RTN4RL1: variants seen among roughly 807,000 people sequenced by gnomAD.
RTN4RL1 encodes reticulon-4 receptor-like 1.
A neutral mutation model predicts 25.6 loss-of-function variants in RTN4RL1; 7 were observed. That is an observed-to-expected ratio of 0.27 (90% CI 0.16 to 0.51). The LOEUF (loss-of-function observed/expected upper bound fraction) is 0.51, where lower values mean the gene tolerates loss of function less well. RTN4RL1 is among the 20% of genes least tolerant of loss of function. The probability of loss-of-function intolerance (pLI) is 0.97; values close to 1 mark genes in which losing one functional copy is unlikely to be tolerated. For synonymous variants in RTN4RL1, 297 were observed against 288.2 expected (o/e 1.03, Z -0.31); for missense variants, 500 against 615.6 (o/e 0.81, Z 1.99).
At chr17:1,972,795 C>T (rs748262220) in intron 1 of RTN4RL1, among the ~76,000 whole-genome samples, 16 of 152,230 alleles carry the variant, frequency 1.1e-4, no homozygotes, top group Non-Finnish European at 2.1e-4. Flanking sequence ...GACTCCTCCA[C>T]AGGCCCATTT....
chr17:1,995,580 CG>C (rs983832935), intron 1 of RTN4RL1: 4 of 152,250 alleles, frequency 2.6e-5, no homozygotes, highest in Non-Finnish European at 5.9e-5. Context: ...TCACTGTCGC[CG>C]GAAGTCCCAC....
chr17:1,962,631 G>T (rs549080858), intron 1 of RTN4RL1, among the ~76,000 whole-genome samples: 2 of 152,102 alleles, frequency 1.3e-5, no homozygotes, highest in East Asian at 3.9e-4. Flanking sequence ...TTGGGAGGCC[G>T]AGGCAGGTGG....
At chr17:1,945,371 C>T (rs561433255) in intron 1 of RTN4RL1, among the ~76,000 whole-genome samples, 3 of 152,120 alleles carry the variant, frequency 2.0e-5, no homozygotes, top group Non-Finnish European at 2.9e-5. Context: ...TACAGGTGCC[C>T]GCCACCATGC....
rs58369247 is a variant in RTN4RL1, at chr17:1,945,978, A to C, written c.14-8170T>G. ...AGGGGCGCTTACCCAAAGCGAGGAG[A>C]CTCAGAGCCTCCAGGGTGAGAGCAG... is the stretch of plus-strand genomic sequence containing the variant. On this transcript the variant is annotated intron_variant, in intron 1 of 1. Transcript: ENST00000331238. Among the ~76,000 whole-genome samples the C allele has an allele frequency of 4.5e-3, 682 of 152,268 alleles. 2 individuals carry two copies. The highest frequency in any genetic ancestry group is 0.016 in the African/African-American group (659 of 41,554).
At chr17:1,969,512 C>G (rs568662937) in intron 1 of RTN4RL1, among the ~76,000 whole-genome samples, 4 of 152,272 alleles carry the variant, frequency 2.6e-5, no homozygotes, top group Admixed American at 2.0e-4. Context: ...CTCCCCTAGC[C>G]GATCACAGTG....
chr17:1,961,534 G>C (rs905065529), intron 1 of RTN4RL1, among the ~76,000 whole-genome samples: 3 of 151,944 alleles, frequency 2.0e-5, no homozygotes, highest in Admixed American at 2.0e-4. Flanking sequence ...ACACGTAAGG[G>C]ACTGAGAGGA....
At chr17:2,013,619 A>T (rs112376880) in intron 1 of RTN4RL1, among the ~76,000 whole-genome samples, 3 of 131,876 alleles carry the variant, frequency 2.3e-5, no homozygotes, top group South Asian at 5.4e-4. Context: ...TAAATACCCC[A>T]GCTCCCTCAC....
rs1272270891 is a variant in RTN4RL1 at position 1,937,975 on chromosome 17, C to T, written c.14-167G>A. 4.6e-5 allele frequency among the ~76,000 whole-genome samples: 7 copies of T among 152,246 alleles called. No homozygotes were observed. In the East Asian group the frequency reaches 5.8e-4, roughly 13 times the overall value. ...GTCAAGGCCCAAGCCTGGAACCCGT[C>T]GGGGATGAGAGGCCTCCCCTCCTTG... On this transcript the variant is annotated intron_variant, in intron 1 of 1. Transcript: ENST00000331238.
intron 1 of RTN4RL1, among the ~76,000 whole-genome samples, chr17:2,012,801 T>A (rs2151326926): frequency 6.6e-6 from 1 of 152,018 alleles, no homozygotes; most frequent in African/African-American, 2.4e-5. Flanking sequence ...CTTCTTCTTT[T>A]TTTTTTTTCT....
chr17:1,965,536 C>T (rs1224898031), intron 1 of RTN4RL1, among the ~76,000 whole-genome samples: 2 of 152,138 alleles, frequency 1.3e-5, no homozygotes, highest in African/African-American at 4.8e-5. Context: ...ACTTACTGTC[C>T]TTTGGGGTGG....
chr17:2,000,555 C>T (rs116530435), intron 1 of RTN4RL1, among the ~76,000 whole-genome samples: 1,718 of 152,004 alleles, frequency 0.011, 29 homozygotes, highest in African/African-American at 0.039. Flanking sequence ...GACTGATTTT[C>T]GCTTTTCTTG....
chr17:1,976,198 G>C (rs2066842081), intron 1 of RTN4RL1, among the ~76,000 whole-genome samples: 1 of 152,204 alleles, frequency 6.6e-6, no homozygotes, highest in Non-Finnish European at 1.5e-5. Context: ...CCAAACAATA[G>C]CCCAGGGCTA....
intron 1 of RTN4RL1, among the ~76,000 whole-genome samples, chr17:1,947,027 T>C (rs1379776520): frequency 7.1e-5 from 4 of 56,022 alleles, no homozygotes; most frequent in Non-Finnish European, 1.7e-4. Context: ...TGTCTGTGTG[T>C]GCACATGTGT....
In RTN4RL1 at chr17:1,935,542, G is replaced by A. The variant is rs1047889427; in HGVS notation, c.*954C>T. 1.0e-6 allele frequency: 1 copy of A among 985,456 alleles called. No individual in the cohort carries two copies. The highest frequency in any genetic ancestry group is 1.2e-6 in the Non-Finnish European group (1 of 829,880). The allele number at this position is 985,456 out of a possible 1,614,324, so 61.0% of individuals were successfully genotyped here. A position where few individuals can be genotyped will look rare whatever the true frequency, so the allele number is the denominator to read the frequency against. ...GCCCTTGGCAAGGCCAGGTCCCTTG[G>A]AGACTATCGTTGCCAGTTTGGGATT... On this transcript the variant is annotated 3_prime_UTR_variant, in exon 2 of 2. Transcript: ENST00000331238.
At chr17:2,023,534 G>A (rs530361068) in intron 1 of RTN4RL1, 2 of 152,432 alleles carry the variant, frequency 1.3e-5, no homozygotes, top group South Asian at 2.1e-4. Flanking sequence ...GCCCAAGCTA[G>A]GACCACCACA....
At chr17:2,000,279 G>A (rs1462320172) in intron 1 of RTN4RL1, among the ~76,000 whole-genome samples, 1 of 152,220 alleles carries the variant, frequency 6.6e-6, no homozygotes, top group Non-Finnish European at 1.5e-5. Flanking sequence ...AAGCAGGATG[G>A]GGCAGAGGAA....
At chr17:1,963,703 G>A (rs185356079) in intron 1 of RTN4RL1, among the ~76,000 whole-genome samples, 29 of 152,264 alleles carry the variant, frequency 1.9e-4, no homozygotes, top group Admixed American at 3.3e-4. Context: ...TCAAGCTTCC[G>A]GGTGCAATCT....
chr17:1,999,947 T>G (rs1401491055), intron 1 of RTN4RL1, among the ~76,000 whole-genome samples: 1 of 152,196 alleles, frequency 6.6e-6, no homozygotes, highest in African/African-American at 2.4e-5. Context: ...AGTGGGGCCC[T>G]GGAGGCCAGG....
chr17:1,949,574 C>T (rs1014170249), intron 1 of RTN4RL1, among the ~76,000 whole-genome samples: 1 of 152,180 alleles, frequency 6.6e-6, no homozygotes, highest in African/African-American at 2.4e-5. Context: ...CATTCAGAAC[C>T]GGCATCTAGA....
Sources: gnomAD v4.1 joint callset for allele counts (sites outside exome capture counted in the v4.1 genomes callset) on GRCh38, gnomAD v4.1.1 for gene constraint, MANE v1.5 for transcripts, NCBI Gene and HGNC (gene_info 2026-07-23, HGNC 2026-07-21) for gene names.